SLC2A13: variants seen among roughly 807,000 people sequenced by gnomAD.
SLC2A13 encodes proton myo-inositol cotransporter.
A neutral mutation model predicts 64.4 loss-of-function variants in SLC2A13; 32 were observed. That is an observed-to-expected ratio of 0.50 (90% CI 0.37 to 0.67). The LOEUF (loss-of-function observed/expected upper bound fraction) is 0.67. Among genes scored for constraint, SLC2A13 ranks in the 30% least tolerant of loss-of-function variants. SLC2A13 has a pLI of 0.00. For synonymous variants in SLC2A13, 338 were observed against 327.1 expected, an observed-to-expected ratio of 1.03 and a Z score of -0.36; for missense variants, 743 against 829.2, an observed-to-expected ratio of 0.90 and a Z score of 1.28.
intron 1 of SLC2A13, among the ~76,000 whole-genome samples, chr12:40,065,751 C>A (rs1050101058): frequency 6.6e-6 from 1 of 152,144 alleles, no homozygotes; most frequent in Non-Finnish European, 1.5e-5. Flanking sequence ...CAAAACATAA[C>A]CACAATGGAG....
chr12:39,925,277 C>T (rs1162996779), intron 4 of SLC2A13, among the ~76,000 whole-genome samples: 2 of 152,056 alleles, frequency 1.3e-5, no homozygotes, highest in Admixed American at 6.6e-5. Flanking sequence ...CAGGGATCCT[C>T]CTGCCTCTAC....
intron 4 of SLC2A13, among the ~76,000 whole-genome samples, chr12:39,908,924 C>T (rs529492191): frequency 6.6e-6 from 1 of 151,656 alleles, no homozygotes; most frequent in East Asian, 1.9e-4. Context: ...GTTATTGATA[C>T]GTGAAGAATA....
Position 40,105,927 on chromosome 12 carries a change from C to T in SLC2A13, c.-119G>A. 3 of 1,208,686 alleles carry T rather than the reference C, an allele frequency of 2.5e-6. No individual in the cohort carries two copies. Among genetic ancestry groups the T allele is most frequent in the Admixed American group, 8.6e-5 (2 of 23,320 alleles). The allele number at this position is 1,208,686 out of a possible 1,614,324, so 74.9% of individuals were successfully genotyped here. On this transcript the variant is annotated 5_prime_UTR_variant, in exon 1 of 10. Transcript: ENST00000280871. This position sits in a 1 kb window ranked among gnomAD's most constrained non-coding sequence, Gnocchi z 4.2. ...GCTGCCGCCGCTTTCTTCCTCCCGG[C>T]TTCCGCTCCGGCTGCCACGGCAGCA...
chr12:39,939,958 C>G (rs1945990637), intron 4 of SLC2A13, among the ~76,000 whole-genome samples: 1 of 152,112 alleles, frequency 6.6e-6, no homozygotes, highest in Admixed American at 6.5e-5. Context: ...CTGGCATGCC[C>G]AGAGTCCCAT....
At chr12:40,088,122 A>T (rs1411987839) in intron 1 of SLC2A13, among the ~76,000 whole-genome samples, 1 of 152,206 alleles carries the variant, frequency 6.6e-6, no homozygotes, top group African/African-American at 2.4e-5. Flanking sequence ...AATAAGTTTA[A>T]TCTATTAAAA....
intron 7 of SLC2A13, among the ~76,000 whole-genome samples, chr12:39,779,865 G>A (rs1183894104): frequency 6.6e-6 from 1 of 152,260 alleles, no homozygotes; most frequent in Non-Finnish European, 1.5e-5. Flanking sequence ...TGCCTGCACA[G>A]TATCTCTGGC....
chr12:40,086,889 C>T (rs1002173333), intron 1 of SLC2A13, among the ~76,000 whole-genome samples: 8 of 152,190 alleles, frequency 5.3e-5, no homozygotes, highest in South Asian at 2.1e-4. Flanking sequence ...CAGTTACCAA[C>T]GGCCAGTCCC....
intron 4 of SLC2A13, among the ~76,000 whole-genome samples, chr12:39,881,486 C>T (rs1335679268): frequency 2.6e-5 from 4 of 152,298 alleles, no homozygotes; most frequent in Non-Finnish European, 2.9e-5. Context: ...CAACACTTTT[C>T]ACCTCGCCTC....
chr12:39,968,085 A>C (rs1464262665), intron 3 of SLC2A13, among the ~76,000 whole-genome samples: 1 of 152,166 alleles, frequency 6.6e-6, no homozygotes, highest in Non-Finnish European at 1.5e-5. Flanking sequence ...ATTGCTAATA[A>C]AGACATACCC....
At chr12:39,761,814 C>G (rs1398742588) in intron 9 of SLC2A13, among the ~76,000 whole-genome samples, 2 of 152,032 alleles carry the variant, frequency 1.3e-5, no homozygotes, top group Non-Finnish European at 2.9e-5. Flanking sequence ...GGCTTCTAAA[C>G]TACAAAATCT....
chr12:39,988,619 G>A (rs1361063489), intron 3 of SLC2A13, among the ~76,000 whole-genome samples: 1 of 142,068 alleles, frequency 7.0e-6, no homozygotes, highest in African/African-American at 2.6e-5. Context: ...AGGAGGAGGA[G>A]GGGAAGGAGG....
intron 7 of SLC2A13, among the ~76,000 whole-genome samples, chr12:39,824,888 A>T (rs1464866904): frequency 2.0e-5 from 3 of 152,190 alleles, no homozygotes; most frequent in African/African-American, 4.8e-5. Flanking sequence ...AGGAGGGTAA[A>T]TTCTAGACAG....
At chr12:39,819,212 G>A (rs1010733540) in intron 7 of SLC2A13, among the ~76,000 whole-genome samples, 3 of 152,004 alleles carry the variant, frequency 2.0e-5, no homozygotes, top group African/African-American at 7.2e-5. Flanking sequence ...GAACAATAAG[G>A]AATATATGAC....
intron 7 of SLC2A13, among the ~76,000 whole-genome samples, chr12:39,765,348 G>A (rs1382286339): frequency 6.6e-6 from 1 of 151,998 alleles, no homozygotes; most frequent in Non-Finnish European, 1.5e-5. Context: ...ATTCCAAATA[G>A]CCCTCTCCCT....
chr12:39,887,023 T>C (rs866142319), intron 4 of SLC2A13, among the ~76,000 whole-genome samples: 1 of 152,166 alleles, frequency 6.6e-6, no homozygotes, highest in Non-Finnish European at 1.5e-5. Flanking sequence ...CTCAACAGAA[T>C]AGCTCTACAG....
intron 7 of SLC2A13, among the ~76,000 whole-genome samples, chr12:39,798,208 A>C (rs538474061): frequency 6.6e-6 from 1 of 152,304 alleles, no homozygotes; most frequent in South Asian, 2.1e-4. Context: ...CGAGGAAGCC[A>C]CCTTGGAAGT....
At chr12:39,802,277 C>G (rs1442702440) in intron 7 of SLC2A13, 1 of 152,122 alleles carries the variant, frequency 6.6e-6, no homozygotes, top group Non-Finnish European at 1.5e-5. Flanking sequence ...TATTATGTAG[C>G]CTGTCATTCA....
intron 7 of SLC2A13, among the ~76,000 whole-genome samples, chr12:39,821,065 C>G (rs1027886911): frequency 6.6e-6 from 1 of 152,092 alleles, no homozygotes; most frequent in African/African-American, 2.4e-5. Flanking sequence ...TTTACCCTTT[C>G]TTTCACTGCC....
chr12:39,995,530 TATTA>T (rs943153079), intron 3 of SLC2A13, among the ~76,000 whole-genome samples: 1 of 152,208 alleles, frequency 6.6e-6, no homozygotes, highest in Non-Finnish European at 1.5e-5. Context: ...GAGCTACATG[TATTA>T]ATTCCTCCAG....
Sources: gnomAD v4.1 joint callset for allele counts (sites outside exome capture counted in the v4.1 genomes callset) on GRCh38, gnomAD v4.1.1 for gene constraint, Gnocchi (gnomAD v3.1) non-coding constraint, MANE v1.5 for transcripts, NCBI Gene and HGNC (gene_info 2026-07-23, HGNC 2026-07-21) for gene names.